The following MARCHF1 variants were observed in gnomAD, a reference collection of about 807,000 sequenced individuals.
The protein encoded by MARCHF1 is membrane associated ring-CH-type finger 1.
A neutral mutation model predicts 54.2 loss-of-function variants in MARCHF1; 40 were observed. The ratio of observed to expected loss-of-function variants is 0.74; its 90% CI spans 0.57 to 0.96. The LOEUF (loss-of-function observed/expected upper bound fraction) is 0.96, where lower values mean the gene tolerates loss of function less well. Among genes scored for constraint, MARCHF1 ranks in the 40% least tolerant of loss-of-function variants. The probability of loss-of-function intolerance (pLI) is 0.00; values close to 1 mark genes in which losing one functional copy is unlikely to be tolerated. For missense variants in MARCHF1, 586 were observed against 656.5 expected, an observed-to-expected ratio of 0.89 and a Z score of 1.17; for synonymous variants, 236 against 236.3, an observed-to-expected ratio of 1.00 and a Z score of 0.01.
chr4:163,731,344 G>C (rs1003069742), intron 4 of MARCHF1, among the ~76,000 whole-genome samples: 1 of 152,076 alleles, frequency 6.6e-6, no homozygotes, highest in African/African-American at 2.4e-5. Context: ...TTCCCATATG[G>C]AACAGCTGAA....
intron 2 of MARCHF1, among the ~76,000 whole-genome samples, chr4:164,089,889 A>T (rs562586383): frequency 3.0e-4 from 46 of 151,950 alleles, no homozygotes; most frequent in South Asian, 1.9e-3. Context: ...TTTATTTCTT[A>T]TATGTAAATC....
intron 1 of MARCHF1, among the ~76,000 whole-genome samples, chr4:164,117,265 T>TA (rs1189954064): frequency 6.6e-6 from 1 of 151,750 alleles, no homozygotes; most frequent in East Asian, 1.9e-4. Flanking sequence ...CTCAAAAAAA[T>TA]AAAAAATAAA....
chr4:163,746,720 A>G (rs1357246245), intron 4 of MARCHF1, among the ~76,000 whole-genome samples: 1 of 152,162 alleles, frequency 6.6e-6, no homozygotes, highest in Non-Finnish European at 1.5e-5. Context: ...TTCTGATAAT[A>G]TATCAGCATG....
chr4:163,757,504 T>C (rs968761749), intron 4 of MARCHF1, among the ~76,000 whole-genome samples: 5 of 152,218 alleles, frequency 3.3e-5, no homozygotes, highest in Non-Finnish European at 7.3e-5. Context: ...TGTCATTTTT[T>C]ATATCCTAAG....
intron 5 of MARCHF1, among the ~76,000 whole-genome samples, chr4:163,625,560 G>A (rs748466390): frequency 4.6e-5 from 7 of 152,220 alleles, no homozygotes; most frequent in Non-Finnish European, 7.3e-5. Flanking sequence ...TATGCTGATT[G>A]CAGTAGAGAT....
chr4:164,234,126 C>T (rs965270684), intron 1 of MARCHF1, among the ~76,000 whole-genome samples: 19 of 152,076 alleles, frequency 1.2e-4, no homozygotes, highest in African/African-American at 4.6e-4. Flanking sequence ...GGGAAAGTCA[C>T]AATGGAATTG....
At chr4:164,380,068 T>A (rs1299545320) in intron 1 of MARCHF1, among the ~76,000 whole-genome samples, 1 of 151,440 alleles carries the variant, frequency 6.6e-6, no homozygotes, top group Non-Finnish European at 1.5e-5. Flanking sequence ...AAAAACTGAG[T>A]GAATTTGTTG....
rs562605845 is a variant in MARCHF1, at chr4:163,951,492, G to T, written c.-39+37009C>A. ...AAAACCAAAAGAAAAATGAAGTCTGGGCAATTAAGAGGGAATGAGAGAAAA... is the reference window on the plus strand; with the variant it reads ...AAAACCAAAAGAAAAATGAAGTCTGTGCAATTAAGAGGGAATGAGAGAAAA... On this transcript the variant is annotated intron_variant, in intron 3 of 9. Transcript: ENST00000514618. Among the ~76,000 whole-genome samples, 23 of 152,260 alleles carry T rather than the reference G, an allele frequency of 1.5e-4. 1 individual carries two copies. In the South Asian group the frequency reaches 4.6e-3, roughly 30 times the overall value.
chr4:163,949,451 CCTT>C (rs1382409866), intron 3 of MARCHF1, among the ~76,000 whole-genome samples: 1 of 152,230 alleles, frequency 6.6e-6, no homozygotes, highest in Non-Finnish European at 1.5e-5. Context: ...TCTCTTCTCT[CCTT>C]CTCGTCATCC....
At chr4:164,078,736 T>G (rs1755030455) in intron 2 of MARCHF1, among the ~76,000 whole-genome samples, 1 of 152,190 alleles carries the variant, frequency 6.6e-6, no homozygotes, top group Admixed American at 6.5e-5. Flanking sequence ...TATTTTATCT[T>G]GTTTATTAAG....
intron 3 of MARCHF1, among the ~76,000 whole-genome samples, chr4:163,986,978 C>A (rs1752882026): frequency 6.6e-6 from 1 of 152,170 alleles, no homozygotes; most frequent in Admixed American, 6.5e-5. Flanking sequence ...ATAAAGTTTT[C>A]TTCAACATTA....
At chr4:164,276,947 T>TATATAGAG (rs1392528920) in intron 1 of MARCHF1, among the ~76,000 whole-genome samples, 1 of 118,802 alleles carries the variant, frequency 8.4e-6, no homozygotes, top group African/African-American at 2.9e-5. Flanking sequence ...TATATATATA[T>TATATAGAG]AGAGAGAGAG....
chr4:164,318,444 C>T (rs763175626), intron 1 of MARCHF1, among the ~76,000 whole-genome samples: 19 of 152,030 alleles, frequency 1.2e-4, no homozygotes, highest in Non-Finnish European at 2.5e-4. Flanking sequence ...CAGAAATGGT[C>T]AAGTGAAAGT....
At chr4:163,654,796 G>C (rs963682181) in intron 5 of MARCHF1, among the ~76,000 whole-genome samples, 1 of 151,514 alleles carries the variant, frequency 6.6e-6, no homozygotes, top group African/African-American at 2.4e-5. Flanking sequence ...TTGCTTTCTT[G>C]AGTCACTTTT....
chr4:164,143,950 T>G (rs1729583994), intron 1 of MARCHF1, among the ~76,000 whole-genome samples: 1 of 152,084 alleles, frequency 6.6e-6, no homozygotes. Context: ...GAGACACACA[T>G]AGGCTCAAAA....
intron 3 of MARCHF1, among the ~76,000 whole-genome samples, chr4:163,937,857 A>G (rs1343628870): frequency 1.3e-5 from 2 of 152,210 alleles, no homozygotes; most frequent in African/African-American, 4.8e-5. Context: ...ATAGGAAATA[A>G]AGCAAAAAAT....
chr4:164,109,553 C>T (rs953828024), intron 2 of MARCHF1, among the ~76,000 whole-genome samples: 1 of 151,628 alleles, frequency 6.6e-6, no homozygotes, highest in Admixed American at 6.6e-5. Context: ...TTTTCAGAGA[C>T]ATGATTACTG....
chr4:164,134,599 C>G (rs551014428), intron 1 of MARCHF1, among the ~76,000 whole-genome samples: 5 of 152,132 alleles, frequency 3.3e-5, no homozygotes, highest in African/African-American at 1.2e-4. Flanking sequence ...TGACGTCACA[C>G]TCGCCCTCAC....
At chr4:163,690,115 C>T (rs1380377688) in intron 5 of MARCHF1, among the ~76,000 whole-genome samples, 1 of 152,152 alleles carries the variant, frequency 6.6e-6, no homozygotes, top group African/African-American at 2.4e-5. Context: ...TAAGGAGACA[C>T]AGAGCATGAA....
Sources: gnomAD v4.1 joint callset for allele counts (sites outside exome capture counted in the v4.1 genomes callset) on GRCh38, gnomAD v4.1.1 for gene constraint, MANE v1.5 for transcripts, NCBI Gene and HGNC (gene_info 2026-07-23, HGNC 2026-07-21) for gene names.